PLXNC1: variants seen among roughly 807,000 people sequenced by gnomAD.
PLXNC1 encodes plexin C1.
A neutral mutation model predicts 178.2 loss-of-function variants in PLXNC1; 75 were observed. The observed-to-expected ratio is 0.42, with a 90% CI of 0.35 to 0.51. The LOEUF (loss-of-function observed/expected upper bound fraction) is 0.51. Ranked by LOEUF, PLXNC1 falls within the 20% of genes least tolerant of loss-of-function variation. The pLI, the probability that PLXNC1 is intolerant of heterozygous loss-of-function variation, is 0.02. For synonymous variants in PLXNC1, 790 were observed against 779.9 expected, an observed-to-expected ratio of 1.01 and a Z score of -0.22; for missense variants, 1,503 against 1,984.4, an observed-to-expected ratio of 0.76 and a Z score of 4.61.
chr12:94,252,295 G>A (rs1373369470), intron 15 of PLXNC1, among the ~76,000 whole-genome samples: 1 of 152,156 alleles, frequency 6.6e-6, no homozygotes, highest in Non-Finnish European at 1.5e-5. Flanking sequence ...CCTGGGCACA[G>A]TGGCACACAC....
intron 1 of PLXNC1, 54 bp from the exon 2 acceptor site, chr12:94,169,099 C>G (rs2361359): frequency 0.86 from 1,276,155 of 1,479,920 alleles, 550,852 homozygotes; most frequent in East Asian, 0.96. Flanking sequence ...ATAATGAGAA[C>G]TATTGTTGTT....
chr12:94,210,933 G>A (rs1963449387), intron 5 of PLXNC1, among the ~76,000 whole-genome samples: 1 of 152,210 alleles, frequency 6.6e-6, no homozygotes, highest in Admixed American at 6.5e-5. Flanking sequence ...ATAGTAGAAA[G>A]TAGAATACCA....
chr12:94,273,321 A>C (rs1965700882), intron 21 of PLXNC1, among the ~76,000 whole-genome samples: 1 of 152,066 alleles, frequency 6.6e-6, no homozygotes, highest in Admixed American at 6.5e-5. Context: ...CAAGTCCTCC[A>C]CCCATACTTC....
intron 1 of PLXNC1, among the ~76,000 whole-genome samples, chr12:94,151,728 G>T (rs1348502498): frequency 2.0e-5 from 3 of 152,218 alleles, no homozygotes; most frequent in African/African-American, 4.8e-5. Flanking sequence ...TTTGCCATCT[G>T]ACAGCTGTGT....
At position 94,259,593 on chromosome 12, in the gene PLXNC1, T is replaced by C. The variant is rs1964940784; in HGVS notation, c.3127-17T>C. ...TATGATTTTGTATTATACTATATAT[T>C]TTTTTCTTTTTATCAGAACAGAGAC... On this transcript the variant is annotated splice_polypyrimidine_tract_variant and intron_variant, in intron 18 of 30. Transcript: ENST00000258526. 1 of 1,549,428 alleles carries C rather than the reference T, an allele frequency of 6.5e-7. No homozygotes were observed. The highest frequency in any genetic ancestry group is 8.7e-7 in the Non-Finnish European group (1 of 1,145,394).
intron 2 of PLXNC1, among the ~76,000 whole-genome samples, chr12:94,173,107 T>A (rs1452691109): frequency 3.3e-5 from 5 of 152,192 alleles, no homozygotes; most frequent in Admixed American, 6.5e-5. Context: ...CATGCCGGGT[T>A]TTTTTCAGTC....
chr12:94,264,979 C>G (rs1034446472), intron 20 of PLXNC1, 100 bp from the exon 21 acceptor site: 3 of 1,196,904 alleles, frequency 2.5e-6, no homozygotes, highest in Non-Finnish European at 3.6e-6. Flanking sequence ...GTTAGAAAAC[C>G]CTGTCTCCTG....
chr12:94,263,325 C>T (rs1368518087), intron 20 of PLXNC1, among the ~76,000 whole-genome samples: 2 of 152,096 alleles, frequency 1.3e-5, no homozygotes, highest in African/African-American at 2.4e-5. Flanking sequence ...AACAAGAGCC[C>T]GCAAGGGATT....
intron 9 of PLXNC1, among the ~76,000 whole-genome samples, chr12:94,232,112 G>A (rs1964119226): frequency 1.3e-5 from 2 of 151,972 alleles, no homozygotes; most frequent in Non-Finnish European, 1.5e-5. Context: ...CCGAGATGGA[G>A]TTTCACTCTT....
At chr12:94,169,354 A>C (rs1241593395) in intron 2 of PLXNC1, 61 bp downstream of exon 2, 6 of 1,441,604 alleles carry the variant, frequency 4.2e-6, no homozygotes, top group Non-Finnish European at 5.6e-6. Context: ...TACTTTAAAA[A>C]AACATTTTTT....
intron 22 of PLXNC1, among the ~76,000 whole-genome samples, chr12:94,280,530 G>A (rs943221785): frequency 6.6e-6 from 1 of 152,222 alleles, no homozygotes; most frequent in African/African-American, 2.4e-5. Context: ...CCATGCAAAT[G>A]TGGGGCAACT....
At position 94,306,523 on chromosome 12, in the gene PLXNC1, GT is replaced by G. The variant is rs912130739; in HGVS notation, c.*1242del. ...TCATGACCAGTTTTAATACCACTGT[GT>G]TTTCCTTCTATTAAACCAGAAGAAG... On this transcript the variant is annotated 3_prime_UTR_variant, in exon 31 of 31. Transcript: ENST00000258526. The G allele has an allele frequency of 9.2e-5, 14 of 152,174 alleles. No homozygotes were observed. Among genetic ancestry groups the G allele is most frequent in the African/African-American group, 3.4e-4 (14 of 41,540 alleles). 9.4% of individuals were successfully genotyped at this position (152,174 alleles called of 1,614,324 possible). A position where few individuals can be genotyped will look rare whatever the true frequency, so the allele number is the denominator to read the frequency against.
chr12:94,160,328 G>A (rs942999438), intron 1 of PLXNC1, among the ~76,000 whole-genome samples: 2 of 152,190 alleles, frequency 1.3e-5, no homozygotes, highest in African/African-American at 4.8e-5. Flanking sequence ...AGCATGGTGA[G>A]ATGAGTGCGT....
intron 2 of PLXNC1, among the ~76,000 whole-genome samples, chr12:94,172,552 A>G (rs1298488572): frequency 6.6e-6 from 1 of 152,210 alleles, no homozygotes; most frequent in African/African-American, 2.4e-5. Flanking sequence ...CAAAGAAAAA[A>G]TTACCCCTAA....
chr12:94,164,440 G>C (rs1961511118), intron 1 of PLXNC1, among the ~76,000 whole-genome samples: 1 of 34,446 alleles, frequency 2.9e-5, no homozygotes, highest in Non-Finnish European at 6.0e-5. Context: ...ATGGCTGTGA[G>C]CACCCTGCCT....
intron 2 of PLXNC1, among the ~76,000 whole-genome samples, chr12:94,177,121 GTGTGTGTGTATATATA>G (rs1420742104): frequency 0.18 from 24,430 of 132,744 alleles, 2,565 homozygotes; most frequent in East Asian, 0.28. Context: ...GTATATATGT[GTGTGTGTGTATATATA>G]TGTGTGTGTG....
In PLXNC1 at chr12:94,265,087, C is replaced by A. The variant is rs368715372; in HGVS notation, c.3459C>A (p.Val1153=). Residue 1153 remains valine (V), a synonymous_variant, in exon 21 of 31, where the codon GTC becomes GTA. Transcript: ENST00000258526. ...TTTGTGTCTTTTCCAAGGAGACTGT[C>A]GGAGAGCCCTTCTATTTGCTGGTGA... ...VCLSGFLRET[V]GEPFYLLVTT... The A allele has an allele frequency of 2.5e-6, 4 of 1,614,046 alleles. No individual in the cohort carries two copies. The highest frequency in any genetic ancestry group is 3.4e-6 in the Non-Finnish European group (4 of 1,179,942).
chr12:94,188,477 C>T (rs777902528), intron 4 of PLXNC1, among the ~76,000 whole-genome samples: 8 of 152,148 alleles, frequency 5.3e-5, no homozygotes, highest in East Asian at 3.9e-4. Context: ...GTACGTGCCA[C>T]CATGCCCGAC....
chr12:94,167,469 A>G (rs1961659202), intron 1 of PLXNC1, among the ~76,000 whole-genome samples: 1 of 152,254 alleles, frequency 6.6e-6, no homozygotes, highest in Admixed American at 6.5e-5. Context: ...CAGTGTTCAA[A>G]TATTTAATAA....
Sources: gnomAD v4.1 joint callset for allele counts (sites outside exome capture counted in the v4.1 genomes callset) on GRCh38, gnomAD v4.1.1 for gene constraint, MANE v1.5 for transcripts, NCBI Gene and HGNC (gene_info 2026-07-23, HGNC 2026-07-21) for gene names.